Variants in SYT1 observed in about 807,000 individuals in gnomAD.
The protein encoded by SYT1 is synaptotagmin-1.
A neutral mutation model predicts 44.8 loss-of-function variants in SYT1; 8 were observed. The ratio of observed to expected loss-of-function variants is 0.18; its 90% confidence interval spans 0.10 to 0.32. The LOEUF (loss-of-function observed/expected upper bound fraction) is 0.32. SYT1 is among the 10% of genes least tolerant of loss of function. The probability of loss-of-function intolerance (pLI) is 1.00; values close to 1 mark genes in which losing one functional copy is unlikely to be tolerated. For synonymous variants in SYT1, 154 were observed against 188.8 expected, an observed-to-expected ratio of 0.82 and a Z score of 1.51; for missense variants, 286 against 509.3, an observed-to-expected ratio of 0.56 and a Z score of 4.22.
At chr12:79,317,036 G>A (rs527502847) in intron 8 of SYT1, among the ~76,000 whole-genome samples, 97 of 152,290 alleles carry the variant, frequency 6.4e-4, no homozygotes, top group African/African-American at 2.3e-3. Flanking sequence ...TCAAGCATAG[G>A]TCTGTCCAAT....
intron 3 of SYT1, among the ~76,000 whole-genome samples, chr12:79,173,384 T>C (rs1269512153): frequency 6.6e-6 from 1 of 152,002 alleles, no homozygotes; most frequent in East Asian, 1.9e-4. Flanking sequence ...CCCAAATTTG[T>C]CAGTTAGGCC....
At chr12:79,205,875 G>C (rs1874090167) in intron 3 of SYT1, among the ~76,000 whole-genome samples, 1 of 152,006 alleles carries the variant, frequency 6.6e-6, no homozygotes, top group Non-Finnish European at 1.5e-5. Flanking sequence ...AACACAGTTT[G>C]TTTAAATTTT....
Position 79,139,445 on chromosome 12 carries a change from T to C in SYT1, c.-17-78058T>C, listed in dbSNP as rs112373704. On this transcript the variant is annotated intron_variant, in intron 3 of 10. Transcript: ENST00000261205. ...ATAAGTATCCATGTTTCTGTAATAG[T>C]TTTAGGAAGCACAAAATGAACTTCT... is the stretch of plus-strand genomic sequence containing the variant. 8.8e-3 allele frequency among the ~76,000 whole-genome samples: 1,341 copies of C among 152,282 alleles called. 9 individuals are homozygous for C. Among genetic ancestry groups the C allele is most frequent in the Non-Finnish European group, 0.015 (1,002 of 68,018 alleles).
chr12:79,353,862 T>C (rs138783985), intron 9 of SYT1, among the ~76,000 whole-genome samples: 80 of 152,318 alleles, frequency 5.3e-4, no homozygotes, highest in African/African-American at 1.9e-3. Flanking sequence ...TCAATTGTCT[T>C]TTTAATGGCA....
At chr12:79,122,513 CAAAAAAAAAA>C (rs58384133) in intron 3 of SYT1, among the ~76,000 whole-genome samples, 3 of 65,036 alleles carry the variant, frequency 4.6e-5, no homozygotes, top group South Asian at 8.1e-4. Flanking sequence ...GACTCCGTCT[CAAAAAAAAAA>C]AAAAAAAAAA....
intron 4 of SYT1, among the ~76,000 whole-genome samples, chr12:79,278,839 C>T (rs1319132432): frequency 6.6e-6 from 1 of 151,714 alleles, no homozygotes; most frequent in Non-Finnish European, 1.5e-5. Flanking sequence ...ACAGATACTA[C>T]AGAAATGTAA....
intron 9 of SYT1, among the ~76,000 whole-genome samples, chr12:79,375,685 A>G (rs1305316563): frequency 6.6e-6 from 1 of 152,172 alleles, no homozygotes; most frequent in African/African-American, 2.4e-5. Flanking sequence ...CTATTCTTGT[A>G]CCTGTCTGCT....
intron 1 of SYT1, among the ~76,000 whole-genome samples, chr12:78,870,372 G>A (rs574218104): frequency 5.9e-5 from 9 of 152,054 alleles, no homozygotes; most frequent in Non-Finnish European, 1.3e-4. Context: ...GTGAAATATA[G>A]CTTTATTAAT....
At chr12:78,951,968 G>A (rs1878992200) in intron 1 of SYT1, among the ~76,000 whole-genome samples, 1 of 152,094 alleles carries the variant, frequency 6.6e-6, no homozygotes, top group Non-Finnish European at 1.5e-5. Flanking sequence ...AGTCGGCATA[G>A]CATCTGGTAA....
intron 4 of SYT1, among the ~76,000 whole-genome samples, chr12:79,267,406 A>G (rs1878188056): frequency 6.6e-6 from 1 of 152,212 alleles, no homozygotes; most frequent in Admixed American, 6.5e-5. Flanking sequence ...TTGTTAACCA[A>G]ATTGAAAGTG....
chr12:78,965,404 T>A (rs1054160617), intron 1 of SYT1, among the ~76,000 whole-genome samples: 5 of 152,190 alleles, frequency 3.3e-5, no homozygotes, highest in Admixed American at 6.5e-5. Flanking sequence ...TAGTCTATAA[T>A]CCTCTGTTTC....
In SYT1 at chr12:79,208,915, A is replaced by G. The variant is rs115797021; in HGVS notation, c.-17-8588A>G. 8.9e-3 allele frequency among the ~76,000 whole-genome samples: 1,355 copies of G among 152,248 alleles called. 19 individuals are homozygous for G. The highest frequency in any genetic ancestry group is 0.031 in the African/African-American group (1,281 of 41,528). On this transcript the variant is annotated intron_variant, in intron 3 of 10. Transcript: ENST00000261205. ...ATACTCTTTAAAAAAAAATCTCCCT[A>G]CACCTCTGAGGAAATTTTTGTGACT...
At chr12:79,278,678 A>G (rs897643141) in intron 4 of SYT1, among the ~76,000 whole-genome samples, 2 of 152,068 alleles carry the variant, frequency 1.3e-5, no homozygotes, top group African/African-American at 4.8e-5. Flanking sequence ...ACTAAATGAA[A>G]TTGAAACCAA....
chr12:79,048,651 T>C (rs1018982998), intron 3 of SYT1, among the ~76,000 whole-genome samples: 2 of 151,932 alleles, frequency 1.3e-5, no homozygotes, highest in African/African-American at 4.8e-5. Flanking sequence ...AACTACTCTT[T>C]GATTTAAAAA....
chr12:79,031,941 A>C (rs1040708999), intron 2 of SYT1, among the ~76,000 whole-genome samples: 1 of 151,172 alleles, frequency 6.6e-6, no homozygotes, highest in African/African-American at 2.4e-5. Flanking sequence ...TATGTTATTA[A>C]TCTAAATAAA....
chr12:79,094,612 C>G (rs890269432), intron 3 of SYT1, among the ~76,000 whole-genome samples: 1 of 151,846 alleles, frequency 6.6e-6, no homozygotes, highest in Non-Finnish European at 1.5e-5. Context: ...CAAGTTAACA[C>G]TACCTGTTTA....
intron 3 of SYT1, among the ~76,000 whole-genome samples, chr12:79,063,665 C>CA: frequency 6.6e-6 from 1 of 152,210 alleles, no homozygotes; most frequent in East Asian, 1.9e-4. Flanking sequence ...TTCCAAAACC[C>CA]AATGGCATCA....
intron 2 of SYT1, among the ~76,000 whole-genome samples, chr12:79,009,177 G>C (rs1478507299): frequency 2.0e-5 from 3 of 152,122 alleles, no homozygotes; most frequent in Non-Finnish European, 4.4e-5. Context: ...TATTTTAAGA[G>C]CTCTATAAAT....
At chr12:79,012,475 C>T (rs1383017337) in intron 2 of SYT1, among the ~76,000 whole-genome samples, 1 of 152,138 alleles carries the variant, frequency 6.6e-6, no homozygotes, top group Non-Finnish European at 1.5e-5. Flanking sequence ...AGGTACTATT[C>T]TGGTATACAA....
Sources: allele counts gnomAD v4.1 joint callset (sites outside exome capture counted in the v4.1 genomes callset), GRCh38; gene constraint gnomAD v4.1.1; transcripts MANE v1.5; gene names NCBI Gene and HGNC (gene_info 2026-07-23, HGNC 2026-07-21).